The following ENTREP2 variants were observed in gnomAD, a reference collection of about 807,000 sequenced individuals.
The protein encoded by ENTREP2 is protein ENTREP2.
the ENTREP2 span, chr15:29,570,545 G>C: frequency 1.4e-6 from 2 of 1,466,190 alleles, no homozygotes; most frequent in Non-Finnish European, 1.8e-6. Context: ...GCGGACGCGG[G>C]CCGAGGTGGT....
chr15:29,402,318 G>A, the ENTREP2 span, among the ~76,000 whole-genome samples: 54 of 118,790 alleles, frequency 4.5e-4, no homozygotes, highest in Admixed American at 7.5e-4. Flanking sequence ...GTGTGTGTGT[G>A]TATATATGTA....
chr15:29,335,437 T>C, the ENTREP2 span, among the ~76,000 whole-genome samples: 1 of 152,304 alleles, frequency 6.6e-6, no homozygotes, highest in East Asian at 1.9e-4. Context: ...TTAACAGCTC[T>C]CTGAATCAAA....
chr15:29,392,534 T>C, the ENTREP2 span, among the ~76,000 whole-genome samples: 1 of 152,198 alleles, frequency 6.6e-6, no homozygotes, highest in Non-Finnish European at 1.5e-5. Flanking sequence ...ATTCCACTGT[T>C]TTCTGACTGC....
the ENTREP2 span, among the ~76,000 whole-genome samples, chr15:29,160,261 T>C: frequency 1.3e-5 from 2 of 152,090 alleles, no homozygotes; most frequent in African/African-American, 4.8e-5. Flanking sequence ...CGCGTCTCCC[T>C]CCACACCTCC....
the ENTREP2 span, among the ~76,000 whole-genome samples, chr15:29,627,592 G>A: frequency 1.4e-5 from 2 of 147,326 alleles, no homozygotes; most frequent in Admixed American, 6.8e-5. Context: ...TCCATCTCCA[G>A]AATTTTTTTC....
the ENTREP2 span, among the ~76,000 whole-genome samples, chr15:29,343,216 T>C: frequency 1.3e-5 from 2 of 152,176 alleles, no homozygotes; most frequent in Admixed American, 1.3e-4. Flanking sequence ...GGCCAAGCTA[T>C]GGTGCCTGGT....
chr15:29,269,931 G>A, the ENTREP2 span: 1 of 483,220 alleles, frequency 2.1e-6, no homozygotes, highest in Non-Finnish European at 3.6e-6. Context: ...AGCCCTGCAG[G>A]TCCGGGCGAT....
At chr15:29,232,513 T>C in the ENTREP2 span, among the ~76,000 whole-genome samples, 2 of 151,654 alleles carry the variant, frequency 1.3e-5, no homozygotes, top group Non-Finnish European at 1.5e-5. Flanking sequence ...TTTAAAGAGA[T>C]GGGGGGTCTC....
the ENTREP2 span, among the ~76,000 whole-genome samples, chr15:29,434,504 A>G: frequency 6.6e-6 from 1 of 152,200 alleles, no homozygotes; most frequent in Admixed American, 6.5e-5. Flanking sequence ...TGTATCATAA[A>G]TCAGACTCAG....
At chr15:29,332,010 G>T in the ENTREP2 span, among the ~76,000 whole-genome samples, 2 of 152,170 alleles carry the variant, frequency 1.3e-5, no homozygotes, top group Non-Finnish European at 2.9e-5. Flanking sequence ...CTTCTGCCAG[G>T]ATTAACTGAA....
chr15:29,377,131 A>G, the ENTREP2 span, among the ~76,000 whole-genome samples: 1 of 152,156 alleles, frequency 6.6e-6, no homozygotes, highest in African/African-American at 2.4e-5. Flanking sequence ...AAAAAAAAAC[A>G]AATCATTAGC....
chr15:29,565,189 C>G, the ENTREP2 span, among the ~76,000 whole-genome samples: 1 of 152,116 alleles, frequency 6.6e-6, no homozygotes, highest in African/African-American at 2.4e-5. Flanking sequence ...AATGAAATAT[C>G]TTTCTGCTTC....
At chr15:29,404,160 T>C in the ENTREP2 span, among the ~76,000 whole-genome samples, 40 of 152,016 alleles carry the variant, frequency 2.6e-4, no homozygotes, top group Middle Eastern at 3.4e-3. Flanking sequence ...CAGGAGTACA[T>C]CCAGTGCCGC....
chr15:29,193,532 C>A, the ENTREP2 span, among the ~76,000 whole-genome samples: 1 of 152,108 alleles, frequency 6.6e-6, no homozygotes, highest in African/African-American at 2.4e-5. Context: ...GGTTCTGAGG[C>A]CTTTTGACTT....
At chr15:29,195,061 G>A in the ENTREP2 span, 142 of 948,944 alleles carry the variant, frequency 1.5e-4, 2 homozygotes, top group South Asian at 2.5e-3. Context: ...CAGGCTCCAG[G>A]ATGCAGTGAG....
the ENTREP2 span, among the ~76,000 whole-genome samples, chr15:29,534,471 G>T: frequency 6.6e-6 from 1 of 152,036 alleles, no homozygotes; most frequent in African/African-American, 2.4e-5. Flanking sequence ...TGAAAAAAAG[G>T]GTTGCTTTAG....
At chr15:29,418,133 T>G in the ENTREP2 span, among the ~76,000 whole-genome samples, 5 of 152,218 alleles carry the variant, frequency 3.3e-5, no homozygotes, top group African/African-American at 1.2e-4. Flanking sequence ...AAACTACAAA[T>G]GCACAAGGAG....
At chr15:29,617,188 G>A in the ENTREP2 span, among the ~76,000 whole-genome samples, 1 of 152,222 alleles carries the variant, frequency 6.6e-6, no homozygotes, top group Non-Finnish European at 1.5e-5. Context: ...AGCCAGGGGT[G>A]TACTGCAGCC....
At chr15:29,357,732 G>A in the ENTREP2 span, among the ~76,000 whole-genome samples, 4 of 152,170 alleles carry the variant, frequency 2.6e-5, no homozygotes, top group Middle Eastern at 3.4e-3. Flanking sequence ...CCAGCTACTC[G>A]GGAGGCTGAG....
Sources: gnomAD v4.1 joint callset for allele counts (sites outside exome capture counted in the v4.1 genomes callset) on GRCh38, gnomAD v4.1.1 for gene constraint, MANE v1.5 for transcripts, NCBI Gene and HGNC (gene_info 2026-07-23, HGNC 2026-07-21) for gene names.